The following KLHL32 variants were observed in gnomAD, a reference collection of about 807,000 sequenced individuals.
The protein encoded by KLHL32 is kelch like family member 32, also known as kelch-like protein 32.
KLHL32 carries 35 observed loss-of-function variants against 64.8 expected under a neutral mutation model. That is an observed-to-expected ratio of 0.54 (90% CI 0.41 to 0.72). KLHL32 has a LOEUF of 0.72. Ranked by LOEUF, KLHL32 falls within the 30% of genes least tolerant of loss-of-function variation. The pLI is 0.00. For missense variants in KLHL32, 589 were observed against 768.5 expected (o/e 0.77, Z 2.76); for synonymous variants, 259 against 281.0 (o/e 0.92, Z 0.78).
At chr6:96,973,314 G>A (rs1417318030) in intron 2 of KLHL32, among the ~76,000 whole-genome samples, 2 of 152,126 alleles carry the variant, frequency 1.3e-5, no homozygotes, top group Non-Finnish European at 2.9e-5. Flanking sequence ...TGCAAATACC[G>A]ATTCAGTCTT....
chr6:97,019,314 C>A (rs1009817815), intron 3 of KLHL32, among the ~76,000 whole-genome samples: 1 of 152,102 alleles, frequency 6.6e-6, no homozygotes, highest in Non-Finnish European at 1.5e-5. Context: ...AGCCCTTGGA[C>A]CCAATAACTG....
rs1007329171 is a variant in KLHL32 at position 97,130,820 on chromosome 6, C to G, written c.1477C>G (p.Gln493Glu). 1.9e-6 allele frequency: 3 copies of G among 1,613,952 alleles called. No individual in the cohort carries two copies. In the African/African-American group the frequency reaches 4.0e-5, roughly 22 times the overall value. Residue 493 changes from glutamine (Q) to glutamate (E), a missense_variant, in exon 9 of 11, where the codon CAA (glutamine) becomes GAA (glutamate). By Grantham distance (29) the Gln-to-Glu change is conservative. Around this residue, in one of 3 missense-constraint regions of KLHL32, gnomAD observed 172 missense variants for 192.0 expected, o/e 0.90. Coordinates refer to ENST00000369261, the MANE Select transcript of KLHL32 (RefSeq NM_052904.4). ...RRVYHSMAAV[Q>E]RKLYVLGGND... Reference sequence around the variant, plus strand: ...GGTCTACCATTCCATGGCTGCTGTACAAAGGAAGCTTTATGTTCTTGGAGG... The same window carrying G: ...GGTCTACCATTCCATGGCTGCTGTAGAAAGGAAGCTTTATGTTCTTGGAGG...
intron 6 of KLHL32, among the ~76,000 whole-genome samples, chr6:97,089,023 T>C (rs892116841): frequency 6.6e-6 from 1 of 152,200 alleles, no homozygotes; most frequent in African/African-American, 2.4e-5. Context: ...CACACTAGCA[T>C]AGGGAGAAAG....
chr6:97,046,312 C>T (rs1347157321), intron 4 of KLHL32, among the ~76,000 whole-genome samples: 2 of 152,174 alleles, frequency 1.3e-5, no homozygotes, highest in African/African-American at 2.4e-5. Flanking sequence ...ATCATTCTCT[C>T]ATATATTTTG....
chr6:96,929,484 G>A (rs556494849), intron 1 of KLHL32, among the ~76,000 whole-genome samples: 1 of 152,284 alleles, frequency 6.6e-6, no homozygotes, highest in Non-Finnish European at 1.5e-5. Flanking sequence ...TTTCCAATTT[G>A]TAGAGCAGAA....
intron 3 of KLHL32, among the ~76,000 whole-genome samples, chr6:97,028,533 C>T (rs2128111708): frequency 6.6e-6 from 1 of 152,322 alleles, no homozygotes; most frequent in South Asian, 2.1e-4. Flanking sequence ...TCACTGTTCT[C>T]TAAATAAATT....
At chr6:97,013,413 T>TA (rs1280266147) in intron 3 of KLHL32, among the ~76,000 whole-genome samples, 1 of 152,170 alleles carries the variant, frequency 6.6e-6, no homozygotes, top group African/African-American at 2.4e-5. Context: ...TTATTCCATT[T>TA]AAAAAATCAC....
intron 6 of KLHL32, among the ~76,000 whole-genome samples, chr6:97,098,396 G>GCATATT (rs1458677186): frequency 6.6e-6 from 1 of 151,820 alleles, no homozygotes; most frequent in Non-Finnish European, 1.5e-5. Flanking sequence ...TGAACATTCA[G>GCATATT]CAGCATATTT....
the KLHL32 span, among the ~76,000 whole-genome samples, chr6:96,905,402 T>C: frequency 6.6e-6 from 1 of 152,234 alleles, no homozygotes; most frequent in Non-Finnish European, 1.5e-5. Flanking sequence ...TCTCTCCGTC[T>C]GTCTGGTCCT....
At chr6:96,908,623 G>A in the KLHL32 span, among the ~76,000 whole-genome samples, 13 of 152,168 alleles carry the variant, frequency 8.5e-5, no homozygotes, top group Non-Finnish European at 1.3e-4. Context: ...AAACATGGCA[G>A]TAATAATTTG....
intron 1 of KLHL32, among the ~76,000 whole-genome samples, chr6:96,936,060 G>A (rs1770559277): frequency 6.6e-6 from 1 of 152,200 alleles, no homozygotes; most frequent in African/African-American, 2.4e-5. Flanking sequence ...AGGAGTGACT[G>A]ACTGCCTTTG....
chr6:97,008,907 G>T (rs575599279), intron 3 of KLHL32, among the ~76,000 whole-genome samples: 3 of 152,000 alleles, frequency 2.0e-5, no homozygotes, highest in Admixed American at 2.0e-4. Context: ...TTAGCCGGCC[G>T]TCTTGGCTCC....
At chr6:97,006,585 G>A (rs369819487) in intron 3 of KLHL32, among the ~76,000 whole-genome samples, 47 of 152,246 alleles carry the variant, frequency 3.1e-4, no homozygotes, top group African/African-American at 1.0e-3. Flanking sequence ...ACTTGATTGT[G>A]TAGTTGCTCT....
At chr6:96,906,911 G>T in the KLHL32 span, among the ~76,000 whole-genome samples, 126 of 152,208 alleles carry the variant, frequency 8.3e-4, no homozygotes, top group Non-Finnish European at 7.2e-4. Flanking sequence ...TCCAGAGAAG[G>T]CTTCCAGAGA....
At chr6:96,952,560 A>G (rs554837325) in intron 1 of KLHL32, among the ~76,000 whole-genome samples, 7 of 152,328 alleles carry the variant, frequency 4.6e-5, no homozygotes, top group Non-Finnish European at 5.9e-5. Flanking sequence ...AGCAAGAATC[A>G]TAATAGCTAC....
At chr6:97,057,556 T>TC (rs61251376) in intron 4 of KLHL32, among the ~76,000 whole-genome samples, 2 of 139,116 alleles carry the variant, frequency 1.4e-5, no homozygotes, top group African/African-American at 5.8e-5. Flanking sequence ...TACACCCCCC[T>TC]CCCGCCCCCA....
intron 2 of KLHL32, among the ~76,000 whole-genome samples, chr6:96,974,309 C>T (rs1775466660): frequency 1.3e-5 from 2 of 152,254 alleles, no homozygotes; most frequent in South Asian, 4.1e-4. Context: ...CTTTACTTGG[C>T]TGATACAATG....
At chr6:97,006,267 CT>C (rs1388067023) in intron 3 of KLHL32, among the ~76,000 whole-genome samples, 18 of 152,124 alleles carry the variant, frequency 1.2e-4, no homozygotes, top group African/African-American at 4.3e-4. Context: ...TAATGCTCTT[CT>C]TTGTCTTTTT....
rs139379393 is a variant in KLHL32, at chr6:97,067,383, T to C, written c.411+2657T>C. Among the ~76,000 whole-genome samples, 1,451 of 152,294 alleles carry C rather than the reference T, an allele frequency of 9.5e-3. 76 individuals are homozygous for C. Among genetic ancestry groups the C allele is most frequent in the Admixed American group, 0.088 (1,350 of 15,300 alleles). On this transcript the variant is annotated intron_variant, in intron 5 of 10. Transcript: ENST00000369261. ...GCCCCCTAATTAGCCTTCTCACAGG[T>C]TCTCAAAGCATGTGTGTGGGAAAAA...
Sources: gnomAD v4.1 joint callset for allele counts (sites outside exome capture counted in the v4.1 genomes callset) on GRCh38, gnomAD v4.1.1 for gene constraint, gnomAD v4.1.1 regional missense constraint, MANE v1.5 for transcripts, NCBI Gene and HGNC (gene_info 2026-07-23, HGNC 2026-07-21) for gene names.